The following MORC3 variants were observed in gnomAD, a reference collection of about 807,000 sequenced individuals.
The protein encoded by MORC3 is MORC family CW-type zinc finger protein 3.
Under a neutral mutation model 109.1 loss-of-function variants are expected in MORC3, and 31 were observed. The observed-to-expected ratio is 0.28, with a 90% confidence interval of 0.21 to 0.38. The LOEUF (loss-of-function observed/expected upper bound fraction) is 0.38. Among genes scored for constraint, MORC3 ranks in the 10% least tolerant of loss-of-function variants. The probability of loss-of-function intolerance (pLI) is 1.00; values close to 1 mark genes in which losing one functional copy is unlikely to be tolerated. For synonymous variants in MORC3, 395 were observed against 380.7 expected, an observed-to-expected ratio of 1.04 and a Z score of -0.44; for missense variants, 867 against 1,135.8, an observed-to-expected ratio of 0.76 and a Z score of 3.40.
In MORC3 at chr21:36,375,605, A is replaced by G. The variant is rs747075155; in HGVS notation, c.*309A>G. On this transcript the variant is annotated 3_prime_UTR_variant, in exon 17 of 17. Transcript: ENST00000400485. ...GAGTACTCAAGTGTTTTTCACCAAG[A>G]GCTTTTCAGGTTGCCCCTAAGCTTT... The G allele has an allele frequency of 5.7e-6, 1 of 174,142 alleles. No homozygotes were observed. Among genetic ancestry groups the G allele is most frequent in the Non-Finnish European group, 1.2e-5 (1 of 82,508 alleles). 10.8% of individuals were successfully genotyped at this position (174,142 alleles called of 1,614,324 possible). A position where few individuals can be genotyped will look rare whatever the true frequency, so the allele number is the denominator to read the frequency against.
intron 1 of MORC3, among the ~76,000 whole-genome samples, chr21:36,326,567 A>G (rs538865693): frequency 3.5e-4 from 54 of 152,280 alleles, no homozygotes; most frequent in African/African-American, 1.2e-3. Context: ...CCTTATTTAT[A>G]AGTTGAACTT....
rs370259543 is a variant in MORC3, at chr21:36,375,051, C to T, written c.2667-92C>T. ...TTTTGTTTAATTGTATATTATTCTA[C>T]GGAGATTTGATTTTGATATTTTACT... is the stretch of plus-strand genomic sequence containing the variant. On this transcript the variant is annotated intron_variant, in intron 16 of 16. Coordinates refer to ENST00000400485, the MANE Select transcript of MORC3 (RefSeq NM_015358.3). 4.6e-4 allele frequency: 586 copies of T among 1,283,142 alleles called. 2 individuals carry two copies. The African/African-American group carries it at 5.7e-3, about 13-fold the overall frequency. The allele number at this position is 1,283,142 out of a possible 1,614,324, so 79.5% of individuals were successfully genotyped here.
intron 6 of MORC3, 125 bp downstream of exon 6, chr21:36,341,671 C>T: frequency 7.5e-7 from 1 of 1,336,742 alleles, no homozygotes; most frequent in South Asian, 1.3e-5. Context: ...GTATCTCAGA[C>T]ATGATTTTCC....
intron 9 of MORC3, among the ~76,000 whole-genome samples, chr21:36,354,329 T>C (rs1257008804): frequency 6.9e-6 from 1 of 144,924 alleles, no homozygotes; most frequent in Admixed American, 6.9e-5. Context: ...CTTTCTTTTT[T>C]TTTTTTTTTT....
intron 3 of MORC3, 24 bp downstream of exon 3, chr21:36,337,030 C>G: frequency 6.3e-7 from 1 of 1,598,886 alleles, no homozygotes; most frequent in Admixed American, 1.8e-5. Context: ...TGCCACACTT[C>G]TTAAAATTGT....
intron 12 of MORC3, chr21:36,361,895 G>T: frequency 2.5e-6 from 1 of 402,018 alleles, no homozygotes; most frequent in Admixed American, 4.3e-5. Flanking sequence ...AAAAACCTAT[G>T]TGATGTTCTA....
At chr21:36,370,639 ATTTTTTT>A (rs869169013) in intron 15 of MORC3, among the ~76,000 whole-genome samples, 15 of 37,550 alleles carry the variant, frequency 4.0e-4, no homozygotes, top group East Asian at 2.6e-3. Flanking sequence ...ATATATATAT[ATTTTTTT>A]TTTTTTTTTT....
rs745842873 is a variant in MORC3 at position 36,369,516 on chromosome 21, G to C, written c.2148G>C (p.Gln716His). 3 of 1,614,162 alleles carry C rather than the reference G, an allele frequency of 1.9e-6. No homozygotes were observed. The highest frequency in any genetic ancestry group is 2.5e-6 in the Non-Finnish European group (3 of 1,180,034). ...AGGAAAAAGAGAATTATAAAAGACA[G>C]TGTCATATGTTTACTGATCAAATCA... ...VTEEKENYKR[Q>H]CHMFTDQIKV... The change falls in exon 15 of 17, where the codon CAG (glutamine) becomes CAC (histidine). Residue 716 changes from glutamine to histidine, a missense_variant. By Grantham distance (24) the Gln-to-His change is conservative. Coordinates refer to ENST00000400485, the MANE Select transcript of MORC3 (RefSeq NM_015358.3).
At chr21:36,339,048 A>G (rs1331138774) in intron 5 of MORC3, 127 bp downstream of exon 5, 1 of 1,108,546 alleles carries the variant, frequency 9.0e-7, no homozygotes, top group Non-Finnish European at 1.3e-6. Context: ...TGGTGTAGTT[A>G]CTGATTTGTC....
In MORC3 at chr21:36,346,645, CA is replaced by C. The variant is rs1258721114; in HGVS notation, c.1005+1621del. ...GCAATGGGGCAAAACCCTGTCTGTA[CA>C]AAAAAATACAAAAATTAGCTGGGCC... On this transcript the variant is annotated intron_variant, in intron 8 of 16. Transcript: ENST00000400485. Among the ~76,000 whole-genome samples the C allele has an allele frequency of 3.3e-5, 5 of 151,296 alleles. No individual in the cohort carries two copies. In the East Asian group the frequency reaches 7.8e-4, roughly 24 times the overall value.
At chr21:36,324,653 T>C (rs935959742) in intron 1 of MORC3, among the ~76,000 whole-genome samples, 3 of 152,032 alleles carry the variant, frequency 2.0e-5, no homozygotes, top group African/African-American at 4.8e-5. Context: ...TACTGTGTAT[T>C]GTTTTTGGTT....
chr21:36,337,148 C>G, intron 3 of MORC3, 142 bp downstream of exon 3: 1 of 976,618 alleles, frequency 1.0e-6, no homozygotes, highest in Non-Finnish European at 1.4e-6. Context: ...GCATGATTTT[C>G]TACTACTGGT....
intron 10 of MORC3, among the ~76,000 whole-genome samples, chr21:36,358,310 G>A (rs1601532826): frequency 1.3e-5 from 2 of 151,900 alleles, no homozygotes; most frequent in East Asian, 2.0e-4. Context: ...GCTTGAACCC[G>A]GGAGGCAGAG....
At position 36,329,850 on chromosome 21, in the gene MORC3, C is replaced by CT. The variant is rs915350501; in HGVS notation, c.40-3789dup. ...AATCCTCTTTTCCCTTTTTTCTTTTCTTTTTTTGTTTTTTTTTGTTTTTGT... is the reference window on the plus strand; with the variant it reads ...AATCCTCTTTTCCCTTTTTTCTTTTCTTTTTTTTGTTTTTTTTTGTTTTTGT... On this transcript the variant is annotated intron_variant, in intron 1 of 16. Transcript: ENST00000400485. Among the ~76,000 whole-genome samples, 18 of 151,596 alleles carry CT rather than the reference C, an allele frequency of 1.2e-4. No individual in the cohort carries two copies. In the East Asian group the frequency reaches 3.3e-3, roughly 28 times the overall value.
At chr21:36,372,769 TTTGA>T (rs2085885036) in intron 16 of MORC3, among the ~76,000 whole-genome samples, 2 of 152,158 alleles carry the variant, frequency 1.3e-5, no homozygotes, top group South Asian at 4.1e-4. Flanking sequence ...GGATAAAGCA[TTTGA>T]TTGGTCAGAG....
intron 8 of MORC3, among the ~76,000 whole-genome samples, chr21:36,348,596 A>T (rs963120234): frequency 3.3e-5 from 5 of 152,106 alleles, no homozygotes; most frequent in African/African-American, 1.2e-4. Flanking sequence ...TTTAGTAGAG[A>T]TGGGATTTCA....
intron 8 of MORC3, among the ~76,000 whole-genome samples, chr21:36,348,470 C>T (rs768131923): frequency 3.9e-5 from 6 of 152,140 alleles, no homozygotes; most frequent in Admixed American, 6.5e-5. Flanking sequence ...TGCAATGGCA[C>T]GATCTCAGCT....
chr21:36,360,676 G>C (rs2085703281), intron 12 of MORC3: 1 of 191,488 alleles, frequency 5.2e-6, no homozygotes, highest in Non-Finnish European at 1.1e-5. Context: ...TGGTGGGCAG[G>C]AGAGCAGAAA....
chr21:36,365,051 CAAAA>C (rs72445251), intron 14 of MORC3, among the ~76,000 whole-genome samples: 8 of 94,396 alleles, frequency 8.5e-5, no homozygotes, highest in African/African-American at 3.3e-4. Flanking sequence ...GACTCCATCT[CAAAA>C]AAAAAAAAAA....
Sources: allele counts gnomAD v4.1 joint callset (sites outside exome capture counted in the v4.1 genomes callset), GRCh38; gene constraint gnomAD v4.1.1; transcripts MANE v1.5; gene names NCBI Gene and HGNC (gene_info 2026-07-23, HGNC 2026-07-21).